TP63: variants seen among roughly 807,000 people sequenced by gnomAD.
The protein encoded by TP63 is tumor protein p63.
In TP63, 17 loss-of-function variants were observed where a neutral mutation model predicts 82.8. The observed-to-expected ratio is 0.21, with a 90% CI of 0.14 to 0.31. The LOEUF (loss-of-function observed/expected upper bound fraction) is 0.31, where lower values mean the gene tolerates loss of function less well. Ranked by LOEUF, TP63 falls within the 10% of genes least tolerant of loss-of-function variation. The probability of loss-of-function intolerance (pLI) is 1.00; values close to 1 mark genes in which losing one functional copy is unlikely to be tolerated. For missense variants in TP63, 648 were observed against 895.3 expected (o/e 0.72, Z 3.52); for synonymous variants, 330 against 321.7 (o/e 1.03, Z -0.28).
chr3:189,728,083 GC>G (rs977387657), intron 1 of TP63, among the ~76,000 whole-genome samples: 5 of 151,820 alleles, frequency 3.3e-5, no homozygotes, highest in African/African-American at 1.2e-4. Flanking sequence ...GAAGAGCTTT[GC>G]CTAAGGATCC....
chr3:189,734,069 TTTTC>T (rs907351002), intron 1 of TP63, among the ~76,000 whole-genome samples: 5 of 151,736 alleles, frequency 3.3e-5, no homozygotes, highest in African/African-American at 4.8e-5. Context: ...TTTTTCTTTC[TTTTC>T]TTTCTTTCTC....
In TP63 at chr3:189,651,771, GC is replaced by G. The variant is rs752622376; in HGVS notation, c.62+20199del. On this transcript the variant is annotated intron_variant, in intron 1 of 13. Coordinates refer to ENST00000264731, the MANE Select transcript of TP63 (RefSeq NM_003722.5). ...AATGGTTTCCTGGGCTGAGTCCAGG[GC>G]CCCCTGCTCTGTGCAGCCTCGGGAC... 6.8e-5 allele frequency among the ~76,000 whole-genome samples: 10 copies of G among 146,564 alleles called. 1 individual carries two copies. Among genetic ancestry groups the G allele is most frequent in the Non-Finnish European group, 1.2e-4 (8 of 67,208 alleles).
intron 4 of TP63, among the ~76,000 whole-genome samples, chr3:189,831,760 A>G (rs913699675): frequency 2.0e-5 from 3 of 150,650 alleles, no homozygotes; most frequent in Non-Finnish European, 2.9e-5. Context: ...TATAACACAT[A>G]GAGCTGGCAG....
the TP63 span, among the ~76,000 whole-genome samples, chr3:189,613,127 A>C: frequency 6.6e-6 from 1 of 152,216 alleles, no homozygotes; most frequent in East Asian, 1.9e-4. Flanking sequence ...CCCCAAGAGC[A>C]AGGGGATAAT....
intron 1 of TP63, among the ~76,000 whole-genome samples, chr3:189,682,852 C>A (rs1716100171): frequency 1.3e-5 from 2 of 151,928 alleles, no homozygotes; most frequent in African/African-American, 4.8e-5. Context: ...TAGACTAGAA[C>A]TCTTGGGGAG....
chr3:189,840,857 C>CAAAAAAAAAA (rs58360712), intron 4 of TP63, among the ~76,000 whole-genome samples: 1 of 97,322 alleles, frequency 1.0e-5, no homozygotes, highest in African/African-American at 4.1e-5. Context: ...ACTCAGTCTC[C>CAAAAAAAAAA]AAAAAAAAAA....
chr3:189,868,847 GC>G, intron 8 of TP63, 131 bp downstream of exon 8: 1 of 1,420,488 alleles, frequency 7.0e-7, no homozygotes, highest in Non-Finnish European at 9.9e-7. Context: ...AGCCCTCAGA[GC>G]CAGTGAGAAT....
intron 1 of TP63, among the ~76,000 whole-genome samples, chr3:189,710,232 T>G (rs910003072): frequency 6.6e-6 from 1 of 152,122 alleles, no homozygotes; most frequent in Non-Finnish European, 1.5e-5. Context: ...CTAACAGGCC[T>G]AGGGGATAGA....
At chr3:189,765,505 G>A (rs1722891742) in intron 3 of TP63, among the ~76,000 whole-genome samples, 1 of 135,266 alleles carries the variant, frequency 7.4e-6, no homozygotes, top group Non-Finnish European at 1.5e-5. Context: ...GGGGGATCTT[G>A]GCTCACTGCA....
chr3:189,750,052 A>AG (rs1721687468), intron 3 of TP63, among the ~76,000 whole-genome samples: 1 of 142,230 alleles, frequency 7.0e-6, no homozygotes, highest in Admixed American at 7.3e-5. Flanking sequence ...TGAGCCTGGG[A>AG]GGTGGAGCTT....
intron 1 of TP63, among the ~76,000 whole-genome samples, chr3:189,677,365 T>C (rs1157373200): frequency 1.4e-5 from 1 of 72,602 alleles, no homozygotes; most frequent in Admixed American, 1.7e-4. Context: ...TAATTATATA[T>C]TTATATGTAA....
intron 1 of TP63, among the ~76,000 whole-genome samples, chr3:189,714,298 G>A (rs1046468985): frequency 6.6e-6 from 1 of 152,146 alleles, no homozygotes. Flanking sequence ...TCATGTTCCC[G>A]GTGTTCTGAA....
intron 4 of TP63, among the ~76,000 whole-genome samples, chr3:189,827,346 T>C (rs1235904888): frequency 6.6e-6 from 1 of 152,188 alleles, no homozygotes; most frequent in Non-Finnish European, 1.5e-5. Flanking sequence ...TGCCTTGTGA[T>C]ACCCACCCCC....
the TP63 span, among the ~76,000 whole-genome samples, chr3:189,613,746 A>T: frequency 6.6e-6 from 1 of 152,134 alleles, no homozygotes; most frequent in African/African-American, 2.4e-5. Flanking sequence ...ATGGGAACCT[A>T]CCTCTTGTAT....
At chr3:189,863,327 G>T (rs1717272743) in intron 4 of TP63, among the ~76,000 whole-genome samples, 1 of 152,166 alleles carries the variant, frequency 6.6e-6, no homozygotes, top group Non-Finnish European at 1.5e-5. Flanking sequence ...GGATGATAAG[G>T]TTTACTATAG....
chr3:189,688,280 A>G (rs941337089), intron 1 of TP63, among the ~76,000 whole-genome samples: 1 of 152,236 alleles, frequency 6.6e-6, no homozygotes, highest in African/African-American at 2.4e-5. Flanking sequence ...ATACAATTTA[A>G]CTAAAGTCTC....
intron 1 of TP63, among the ~76,000 whole-genome samples, chr3:189,698,770 A>G (rs1717584696): frequency 6.6e-6 from 1 of 152,204 alleles, no homozygotes; most frequent in African/African-American, 2.4e-5. Flanking sequence ...CCTATTGATC[A>G]TATCTAAACT....
At chr3:189,755,671 G>A (rs7631262) in intron 3 of TP63, among the ~76,000 whole-genome samples, 47,895 of 151,826 alleles carry the variant, frequency 0.32, 7,610 homozygotes, top group Middle Eastern at 0.37. Context: ...GGGTAAAATT[G>A]TATAAACATG....
intron 3 of TP63, among the ~76,000 whole-genome samples, chr3:189,798,146 C>G (rs1312933883): frequency 6.6e-6 from 1 of 151,978 alleles, no homozygotes; most frequent in East Asian, 1.9e-4. Context: ...GTTGCTGTTG[C>G]TTGAAGGGAT....
Sources: allele counts gnomAD v4.1 joint callset (sites outside exome capture counted in the v4.1 genomes callset), GRCh38; gene constraint gnomAD v4.1.1; transcripts MANE v1.5; gene names NCBI Gene and HGNC (gene_info 2026-07-23, HGNC 2026-07-21).